PPFIA2: variants seen among roughly 807,000 people sequenced by gnomAD.
PPFIA2 encodes PPFI scaffold protein A2.
In PPFIA2, 46 loss-of-function variants were observed where a neutral mutation model predicts 175.5. The ratio of observed to expected loss-of-function variants is 0.26; its 90% CI spans 0.21 to 0.34. PPFIA2 has a LOEUF of 0.34. Among genes scored for constraint, PPFIA2 ranks in the 10% least tolerant of loss-of-function variants. The pLI, the probability that PPFIA2 is intolerant of heterozygous loss-of-function variation, is 1.00. For synonymous variants in PPFIA2, 568 were observed against 511.4 expected, an observed-to-expected ratio of 1.11 and a Z score of -1.49; for missense variants, 1,179 against 1,506.1, an observed-to-expected ratio of 0.78 and a Z score of 3.60.
intron 22 of PPFIA2, among the ~76,000 whole-genome samples, chr12:81,306,029 C>T (rs567024256): frequency 6.6e-6 from 1 of 152,110 alleles, no homozygotes; most frequent in Non-Finnish European, 1.5e-5. Context: ...GTATGACTGT[C>T]CAAATACCAT....
chr12:81,413,829 A>G (rs2044442570), intron 7 of PPFIA2, among the ~76,000 whole-genome samples: 1 of 151,738 alleles, frequency 6.6e-6, no homozygotes, highest in Non-Finnish European at 1.5e-5. Flanking sequence ...ATAAAAAAGG[A>G]AAAGCAATGT....
At chr12:81,411,373 T>C (rs1217488427) in intron 7 of PPFIA2, among the ~76,000 whole-genome samples, 3 of 152,074 alleles carry the variant, frequency 2.0e-5, no homozygotes, top group African/African-American at 7.2e-5. Context: ...CTTATTTGTG[T>C]TTTCTGGTTG....
intron 5 of PPFIA2, 55 bp downstream of exon 5, chr12:81,457,710 G>GTAACACACATA: frequency 9.7e-7 from 1 of 1,027,872 alleles, no homozygotes; most frequent in Non-Finnish European, 1.5e-6. Context: ...TGTGTTACAT[G>GTAACACACATA]TAATGCATTG....
intron 6 of PPFIA2, among the ~76,000 whole-genome samples, chr12:81,440,666 A>G (rs1460305145): frequency 6.6e-6 from 1 of 151,942 alleles, no homozygotes; most frequent in African/African-American, 2.4e-5. Flanking sequence ...TATTTTATAG[A>G]ACAAAAATCT....
chr12:81,532,272 T>G (rs2064683786), intron 4 of PPFIA2, among the ~76,000 whole-genome samples: 1 of 151,756 alleles, frequency 6.6e-6, no homozygotes, highest in Non-Finnish European at 1.5e-5. Context: ...TTTTCAGATT[T>G]GTGCAAGCTG....
intron 16 of PPFIA2, among the ~76,000 whole-genome samples, chr12:81,353,811 C>T (rs1421623972): frequency 1.3e-5 from 2 of 152,078 alleles, no homozygotes; most frequent in Non-Finnish European, 2.9e-5. Context: ...TCGATTCTAA[C>T]AAAATATTAT....
chr12:81,676,976 T>A, intron 3 of PPFIA2, 132 bp from the exon 4 acceptor site: 1 of 537,874 alleles, frequency 1.9e-6, no homozygotes, highest in Non-Finnish European at 3.2e-6. Flanking sequence ...TTTTGCAATC[T>A]TGGACACTGT....
intron 4 of PPFIA2, among the ~76,000 whole-genome samples, chr12:81,646,717 TC>T (rs144157143): frequency 1.9e-3 from 289 of 152,264 alleles, no homozygotes; most frequent in African/African-American, 6.7e-3. Context: ...AAAGCCCAAA[TC>T]AAGCTCAACT....
chr12:81,694,634 G>T (rs551093450), intron 3 of PPFIA2, among the ~76,000 whole-genome samples: 1 of 152,288 alleles, frequency 6.6e-6, no homozygotes, highest in Non-Finnish European at 1.5e-5. Context: ...TCCTAGGGAA[G>T]CTCCAATGGG....
intron 4 of PPFIA2, among the ~76,000 whole-genome samples, chr12:81,610,636 C>G (rs2060800412): frequency 6.6e-6 from 1 of 152,144 alleles, no homozygotes; most frequent in South Asian, 2.1e-4. Flanking sequence ...GATCATTTTA[C>G]TAGATTCCCT....
At chr12:81,400,354 C>G (rs2041910089) in intron 8 of PPFIA2, among the ~76,000 whole-genome samples, 1 of 152,110 alleles carries the variant, frequency 6.6e-6, no homozygotes, top group Admixed American at 6.6e-5. Flanking sequence ...TAAAAGTCCA[C>G]AAAACCCTTA....
rs1184276104 is a variant in PPFIA2, at chr12:81,748,632, CAGCT to C, written c.249+5337_249+5340del. On this transcript the variant is annotated intron_variant, in intron 3 of 32. Transcript: ENST00000549396. ...ACATAAAGCTGACACAGCCAACCTT[CAGCT>C]AGCCAGTGACATAAAGTTAGTCCAG... Among the ~76,000 whole-genome samples, 2 of 144,692 alleles carry C rather than the reference CAGCT, an allele frequency of 1.4e-5. 1 individual carries two copies. Among genetic ancestry groups the C allele is most frequent in the Non-Finnish European group, 3.1e-5 (2 of 64,500 alleles). 94.9% of individuals were successfully genotyped at this position (144,692 alleles called of 152,430 possible).
intron 3 of PPFIA2, among the ~76,000 whole-genome samples, chr12:81,705,744 G>C (rs7134037): frequency 0.33 from 49,710 of 151,992 alleles, 8,911 homozygotes; most frequent in Middle Eastern, 0.49. Context: ...TGATTATTTT[G>C]TCATGATGCA....
intron 4 of PPFIA2, among the ~76,000 whole-genome samples, chr12:81,574,805 T>C (rs919920061): frequency 1.3e-5 from 2 of 151,818 alleles, no homozygotes; most frequent in African/African-American, 4.8e-5. Flanking sequence ...ACTTTTATGG[T>C]TCACCTTACT....
chr12:81,755,487 G>C (rs1285096359), intron 2 of PPFIA2, among the ~76,000 whole-genome samples: 2 of 151,958 alleles, frequency 1.3e-5, no homozygotes, highest in Non-Finnish European at 2.9e-5. Flanking sequence ...CTGTCCTTGG[G>C]GAAAATATTT....
chr12:81,588,354 A>C lies in PPFIA2; in HGVS notation c.303+88437T>G, dbSNP rs567739833. ...AAAGTAAACCAAGCACACACACTCA[A>C]AATAATGATAATTCTGTGTAAGTGA... On this transcript the variant is annotated intron_variant, in intron 4 of 32. Coordinates refer to ENST00000549396, the MANE Select transcript of PPFIA2 (RefSeq NM_003625.5). Among the ~76,000 whole-genome samples, 4 of 152,164 alleles carry C rather than the reference A, an allele frequency of 2.6e-5. No homozygotes were observed. The South Asian group carries it at 8.3e-4, about 32-fold the overall frequency.
intron 7 of PPFIA2, among the ~76,000 whole-genome samples, chr12:81,415,683 A>T (rs2045096984): frequency 6.7e-6 from 1 of 149,982 alleles, no homozygotes; most frequent in African/African-American, 2.4e-5. Flanking sequence ...TTTAAGTTTA[A>T]AACAGAATGA....
intron 4 of PPFIA2, among the ~76,000 whole-genome samples, chr12:81,484,654 A>T (rs1426164722): frequency 6.6e-6 from 1 of 151,982 alleles, no homozygotes; most frequent in African/African-American, 2.4e-5. Flanking sequence ...ATGCTAGGCC[A>T]GACCCTTATT....
At chr12:81,622,134 T>A (rs553263631) in intron 4 of PPFIA2, among the ~76,000 whole-genome samples, 16 of 152,310 alleles carry the variant, frequency 1.1e-4, no homozygotes, top group Admixed American at 1.0e-3. Context: ...TCCTCCACTA[T>A]CTGGATAATT....
Sources: allele counts gnomAD v4.1 joint callset (sites outside exome capture counted in the v4.1 genomes callset), GRCh38; gene constraint gnomAD v4.1.1; transcripts MANE v1.5; gene names NCBI Gene and HGNC (gene_info 2026-07-23, HGNC 2026-07-21).